PARP9: variants seen among roughly 807,000 people sequenced by gnomAD.
The protein encoded by PARP9 is protein mono-ADP-ribosyltransferase PARP9.
A neutral mutation model predicts 68.8 loss-of-function variants in PARP9; 48 were observed. The ratio of observed to expected loss-of-function variants is 0.70; its 90% CI spans 0.55 to 0.89. The LOEUF (loss-of-function observed/expected upper bound fraction) is 0.89, where lower values mean the gene tolerates loss of function less well. Among genes scored for constraint, PARP9 ranks in the 40% least tolerant of loss-of-function variants. PARP9 has a pLI of 0.00. For missense variants in PARP9, 806 were observed against 969.3 expected, an observed-to-expected ratio of 0.83 and a Z score of 2.24; for synonymous variants, 309 against 333.8, an observed-to-expected ratio of 0.93 and a Z score of 0.81.
chr3:122,560,920 T>C (rs1055554008), intron 1 of PARP9, among the ~76,000 whole-genome samples: 1 of 152,240 alleles, frequency 6.6e-6, no homozygotes, highest in Non-Finnish European at 1.5e-5. Context: ...CACCTGTTTC[T>C]GTCTTCAGGC....
At chr3:122,539,567 C>CTTTCTTTCTTTCTTTTTTT (rs1347024453) in intron 8 of PARP9, among the ~76,000 whole-genome samples, 1 of 86,916 alleles carries the variant, frequency 1.2e-5, no homozygotes, top group Non-Finnish European at 2.4e-5. Context: ...TTCTTTCTTT[C>CTTTCTTTCTTTCTTTTTTT]TTTTTTTTTT....
intron 7 of PARP9, among the ~76,000 whole-genome samples, chr3:122,541,179 C>T (rs1017237295): frequency 1.3e-5 from 2 of 152,206 alleles, no homozygotes; most frequent in East Asian, 1.9e-4. Flanking sequence ...CGTGAGCCAA[C>T]GTGCCCGGCC....
chr3:122,550,899 C>T (rs886826122), intron 5 of PARP9, 97 bp from the exon 6 acceptor site: 1 of 1,127,694 alleles, frequency 8.9e-7, no homozygotes, highest in African/African-American at 1.6e-5. Flanking sequence ...TCCACCTTCA[C>T]CCTCCCTCAG....
chr3:122,563,812 C>A (rs914985103), intron 1 of PARP9, among the ~76,000 whole-genome samples: 4 of 152,106 alleles, frequency 2.6e-5, no homozygotes, highest in African/African-American at 7.2e-5. Context: ...CACAGGTCCG[C>A]CTCCCCTCAC....
At chr3:122,531,158 C>T (rs539129212) in intron 10 of PARP9, among the ~76,000 whole-genome samples, 39 of 152,268 alleles carry the variant, frequency 2.6e-4, no homozygotes, top group African/African-American at 9.1e-4. Flanking sequence ...ATTTCAAGTG[C>T]TCAATAGCCG....
upstream of PARP9, chr3:122,564,409 C>T: frequency 6.2e-7 from 1 of 1,601,040 alleles, no homozygotes; most frequent in Non-Finnish European, 8.5e-7. Flanking sequence ...CCCCCGCGCC[C>T]TCCCGACGCG....
chr3:122,530,924 A>G (rs764456246), intron 10 of PARP9, among the ~76,000 whole-genome samples: 36 of 152,318 alleles, frequency 2.4e-4, no homozygotes, highest in Admixed American at 6.5e-4. Flanking sequence ...TTAGTCAGGT[A>G]TTGTGCCACT....
At position 122,550,529 on chromosome 3, in the gene PARP9, C is replaced by CTGAA. The variant is rs571811126; in HGVS notation, c.1326+51_1326+54dup. On this transcript the variant is annotated intron_variant, in intron 6 of 10. Coordinates refer to ENST00000682323, the MANE Select transcript of PARP9 (RefSeq NM_001146105.2). Reference sequence around the variant, plus strand: ...CATTGTAGATACTAAACAGATGTTGCTGAATGAATGAATGAATGAATGAAC... The same window carrying CTGAA: ...CATTGTAGATACTAAACAGATGTTGCTGAATGAATGAATGAATGAATGAATGAAC... 72 of 1,330,864 alleles carry CTGAA rather than the reference C, an allele frequency of 5.4e-5. 1 individual carries two copies. The highest frequency in any genetic ancestry group is 5.2e-4 in the Middle Eastern group (2 of 3,872). 82.4% of individuals were successfully genotyped at this position (1,330,864 alleles called of 1,614,324 possible).
intron 7 of PARP9, among the ~76,000 whole-genome samples, chr3:122,541,898 T>A (rs1023415390): frequency 9.2e-5 from 14 of 152,122 alleles, no homozygotes; most frequent in Admixed American, 9.2e-4. Flanking sequence ...TTCTCATCTT[T>A]CTCCTGAGAT....
chr3:122,564,257 T>A lies in PARP9; in HGVS notation c.-102A>T, dbSNP rs2080496368. Reference sequence around the variant, plus strand: ...CGGACCTACTCACCCGGCAGGCCGCTCTCCTCGGTGCAGACAGCACAGGGA... The same window carrying A: ...CGGACCTACTCACCCGGCAGGCCGCACTCCTCGGTGCAGACAGCACAGGGA... On this transcript the variant is annotated 5_prime_UTR_variant, in exon 1 of 11. Coordinates refer to ENST00000682323, the MANE Select transcript of PARP9 (RefSeq NM_001146105.2). 1.3e-6 allele frequency: 1 copy of A among 784,954 alleles called. No homozygotes were observed. The allele number at this position is 784,954 out of a possible 1,614,324, so 48.6% of individuals were successfully genotyped here. A position where few individuals can be genotyped will look rare whatever the true frequency, so the allele number is the denominator to read the frequency against.
intron 4 of PARP9, among the ~76,000 whole-genome samples, chr3:122,554,884 A>C (rs2079508972): frequency 6.7e-6 from 1 of 150,312 alleles, no homozygotes; most frequent in South Asian, 2.1e-4. Flanking sequence ...ATGCCCTGAT[A>C]ATTTTTTTTT....
chr3:122,552,273 G>T, intron 5 of PARP9, 145 bp downstream of exon 5: 1 of 615,418 alleles, frequency 1.6e-6, no homozygotes. Flanking sequence ...CAGTATTTCT[G>T]GTACTCGCAG....
At chr3:122,551,350 G>C (rs2079184445) in intron 5 of PARP9, among the ~76,000 whole-genome samples, 1 of 152,192 alleles carries the variant, frequency 6.6e-6, no homozygotes. Flanking sequence ...AGGGAGACTA[G>C]AGGACCAGTT....
intron 4 of PARP9, among the ~76,000 whole-genome samples, chr3:122,553,401 C>G (rs1020055175): frequency 6.6e-6 from 1 of 152,152 alleles, no homozygotes; most frequent in African/African-American, 2.4e-5. Context: ...TTCAGGGTAA[C>G]TCAGGTATTT....
chr3:122,551,562 C>G lies in PARP9; in HGVS notation c.1108-760G>C, dbSNP rs561982649. Among the ~76,000 whole-genome samples the G allele has an allele frequency of 2.6e-5, 4 of 152,122 alleles. No individual in the cohort carries two copies. The South Asian group carries it at 8.3e-4, about 32-fold the overall frequency. ...TCATCCAGGCTAGAGGGCAGTGGCG[C>G]GATCTCGGCTCACTGCAACCTTTGC... On this transcript the variant is annotated intron_variant, in intron 5 of 10. Transcript: ENST00000682323.
Position 122,537,145 on chromosome 3 carries a change from T to C in PARP9, c.1766-72A>G. ...GAGAAAAGAAATTTAATGAAACAAATTCTAGAAATTTAGAGGAAGGGATTA... is the reference window on the plus strand; with the variant it reads ...GAGAAAAGAAATTTAATGAAACAAACTCTAGAAATTTAGAGGAAGGGATTA... On this transcript the variant is annotated intron_variant, in intron 8 of 10. Transcript: ENST00000682323. 10 of 1,455,854 alleles carry C rather than the reference T, an allele frequency of 6.9e-6. No individual in the cohort carries two copies. In the South Asian group the frequency reaches 1.1e-4, roughly 16 times the overall value. The allele number at this position is 1,455,854 out of a possible 1,614,324, so 90.2% of individuals were successfully genotyped here.
In PARP9 at chr3:122,555,321, G is replaced by C; in HGVS notation, c.850C>G (p.Leu284Val). Reference protein sequence around the residue: ...FNAMVVNNLTLQIVQGHIEWQ... With the variant: ...FNAMVVNNLTVQIVQGHIEWQ... ...TCAATGTGGCCCTGGACAATCTGGA[G>C]GGTCAGGTTGTTCACGACCATTGCA... Residue 284 changes from leucine to valine, a missense_variant, in exon 4 of 11, where the codon CTC becomes GTC. Transcript: ENST00000682323. 2 of 1,613,776 alleles carry C rather than the reference G, an allele frequency of 1.2e-6. No homozygotes were observed. The highest frequency in any genetic ancestry group is 1.7e-6 in the Non-Finnish European group (2 of 1,179,770).
chr3:122,555,786 C>A lies in PARP9; in HGVS notation c.385G>T (p.Glu129Ter). The change falls in exon 4 of 11, where the codon GAG (glutamate) becomes TAG (stop). Residue 129 changes from glutamate (E) to a stop codon, truncating the protein, a stop_gained. Transcript: ENST00000682323. LOFTEE classifies it high-confidence loss of function. ...TATCTGGCAACAAACTGTTTGCTCT[C>A]TTCTTGGATTTCAAATCCACCAGCT... ...VKAGGFEIQEESKQFVARYGK... is the reference protein window; with the variant it reads ...VKAGGFEIQE 1 of 1,614,082 alleles carries A rather than the reference C, an allele frequency of 6.2e-7. No individual in the cohort carries two copies. The highest frequency in any genetic ancestry group is 8.5e-7 in the Non-Finnish European group (1 of 1,180,026).
chr3:122,545,411 G>T, intron 7 of PARP9, 21 bp downstream of exon 7: 1 of 1,612,776 alleles, frequency 6.2e-7, no homozygotes, highest in South Asian at 1.1e-5. Flanking sequence ...CTACTTATTG[G>T]CCTGTGAATT....
Sources: allele counts gnomAD v4.1 joint callset (sites outside exome capture counted in the v4.1 genomes callset), GRCh38; gene constraint gnomAD v4.1.1; transcripts MANE v1.5; gene names NCBI Gene and HGNC (gene_info 2026-07-23, HGNC 2026-07-21).